Variants in MTCL3 observed in about 807,000 individuals in gnomAD.
MTCL3 encodes the protein MTCL family member 3.
chr6:127,510,945 G>A, the MTCL3 span, among the ~76,000 whole-genome samples: 1 of 152,314 alleles, frequency 6.6e-6, no homozygotes, highest in East Asian at 1.9e-4. Context: ...AATGAGGGGC[G>A]GGTGTGATGG....
chr6:127,490,798 C>A, the MTCL3 span, among the ~76,000 whole-genome samples: 1 of 152,072 alleles, frequency 6.6e-6, no homozygotes. Context: ...GCCTGGGGGA[C>A]AGAGCAAGAC....
At chr6:127,507,842 CAAAAAAA>C in the MTCL3 span, among the ~76,000 whole-genome samples, 27 of 82,068 alleles carry the variant, frequency 3.3e-4, no homozygotes, top group South Asian at 5.4e-3. Context: ...GACTATGTCT[CAAAAAAA>C]AAAAAAAAAA....
the MTCL3 span, among the ~76,000 whole-genome samples, chr6:127,476,751 T>C: frequency 6.6e-6 from 1 of 152,262 alleles, no homozygotes; most frequent in African/African-American, 2.4e-5. The surrounding 1 kb of genome is among the most constrained non-coding windows in gnomAD (Gnocchi z 4.4). Context: ...TGTAACTGCA[T>C]ACAACTGTTT....
the MTCL3 span, among the ~76,000 whole-genome samples, chr6:127,516,872 A>C: frequency 6.6e-6 from 1 of 152,220 alleles, no homozygotes; most frequent in Non-Finnish European, 1.5e-5. Context: ...CATTTTGCCC[A>C]GGGTGGCGCT....
chr6:127,506,005 C>T, the MTCL3 span, among the ~76,000 whole-genome samples: 143 of 152,182 alleles, frequency 9.4e-4, 1 homozygote, highest in African/African-American at 3.2e-3. Flanking sequence ...TAGGAAGCTT[C>T]GAGAGCACTC....
the MTCL3 span, among the ~76,000 whole-genome samples, chr6:127,481,988 G>C: frequency 6.6e-6 from 1 of 152,192 alleles, no homozygotes; most frequent in Non-Finnish European, 1.5e-5. Flanking sequence ...TGCCATGACA[G>C]TTTACAAATG....
chr6:127,501,061 C>T, the MTCL3 span, among the ~76,000 whole-genome samples: 13 of 152,334 alleles, frequency 8.5e-5, no homozygotes, highest in Admixed American at 7.8e-4. Flanking sequence ...ATCTGCCTGC[C>T]TTGGCCTCCC....
the MTCL3 span, among the ~76,000 whole-genome samples, chr6:127,478,944 G>A: frequency 2.0e-5 from 3 of 151,026 alleles, no homozygotes; most frequent in Non-Finnish European, 4.4e-5. Flanking sequence ...TTGAACCCCG[G>A]AGGCAGAGGT....
the MTCL3 span, among the ~76,000 whole-genome samples, chr6:127,492,668 C>A: frequency 6.6e-6 from 1 of 151,966 alleles, no homozygotes; most frequent in Non-Finnish European, 1.5e-5. Flanking sequence ...CTACAGGCGC[C>A]CGCCACCACA....
At chr6:127,484,469 G>C in the MTCL3 span, among the ~76,000 whole-genome samples, 5 of 152,126 alleles carry the variant, frequency 3.3e-5, no homozygotes, top group South Asian at 1.0e-3. Context: ...ACAGTCCCAA[G>C]AATACCAAGA....
chr6:127,483,046 T>C, the MTCL3 span: 28 of 1,392,304 alleles, frequency 2.0e-5, no homozygotes, highest in East Asian at 6.6e-4. Flanking sequence ...ATTTTATGTT[T>C]TTAAGTATTC....
At chr6:127,511,234 C>T in the MTCL3 span, among the ~76,000 whole-genome samples, 1 of 152,178 alleles carries the variant, frequency 6.6e-6, no homozygotes, top group Admixed American at 6.5e-5. Context: ...TTCTAGACTG[C>T]AGAACTGTGA....
At chr6:127,486,448 AAGT>A in the MTCL3 span, among the ~76,000 whole-genome samples, 1 of 152,202 alleles carries the variant, frequency 6.6e-6, no homozygotes, top group Admixed American at 6.5e-5. Context: ...ATGTGAGTCC[AAGT>A]AGTCCCTTTC....
At chr6:127,496,751 T>C in the MTCL3 span, among the ~76,000 whole-genome samples, 1 of 152,196 alleles carries the variant, frequency 6.6e-6, no homozygotes, top group Admixed American at 6.5e-5. Context: ...ACAAAAGGAA[T>C]GAACTATGGA....
chr6:127,512,683 A>G, the MTCL3 span, among the ~76,000 whole-genome samples: 4 of 152,182 alleles, frequency 2.6e-5, no homozygotes, highest in African/African-American at 9.7e-5. Flanking sequence ...AAGCTCGTAC[A>G]TGTCGAGTTA....
At chr6:127,474,363 C>A in the MTCL3 span, among the ~76,000 whole-genome samples, 6 of 152,016 alleles carry the variant, frequency 3.9e-5, no homozygotes, top group Admixed American at 1.3e-4. Flanking sequence ...CTGCAACCTC[C>A]CTCTCCCCGG....
the MTCL3 span, chr6:127,475,567 G>T: frequency 6.2e-7 from 1 of 1,609,250 alleles, no homozygotes. The surrounding 1 kb of genome is among the most constrained non-coding windows in gnomAD (Gnocchi z 7.3). Context: ...CTCGGCCTCC[G>T]AGCGGATGTC....
chr6:127,495,707 C>T, the MTCL3 span, among the ~76,000 whole-genome samples: 3 of 152,126 alleles, frequency 2.0e-5, no homozygotes, highest in Non-Finnish European at 4.4e-5. Flanking sequence ...TTCCAAAATG[C>T]ACTGAAAGGA....
chr6:127,474,353 C>A, the MTCL3 span, among the ~76,000 whole-genome samples: 4 of 152,140 alleles, frequency 2.6e-5, no homozygotes, highest in Non-Finnish European at 5.9e-5. Context: ...TCTTGGCTCA[C>A]TGCAACCTCC....
Sources: gnomAD v4.1 joint callset for allele counts (sites outside exome capture counted in the v4.1 genomes callset) on GRCh38, gnomAD v4.1.1 for gene constraint, Gnocchi (gnomAD v3.1) non-coding constraint, MANE v1.5 for transcripts, NCBI Gene and HGNC (gene_info 2026-07-23, HGNC 2026-07-21) for gene names.